Variants in UBE2E1 observed in about 807,000 individuals in gnomAD.
UBE2E1 encodes the protein ubiquitin conjugating enzyme E2 E1.
A neutral mutation model predicts 21.4 loss-of-function variants in UBE2E1; 6 were observed. The observed-to-expected ratio is 0.28, with a 90% confidence interval of 0.15 to 0.55. The LOEUF is 0.55. Among genes scored for constraint, UBE2E1 ranks in the 20% least tolerant of loss-of-function variants. The pLI is 0.93. For synonymous variants in UBE2E1, 87 were observed against 82.7 expected (o/e 1.05, Z -0.28); for missense variants, 142 against 236.5 (o/e 0.60, Z 2.62).
intron 3 of UBE2E1, among the ~76,000 whole-genome samples, chr3:23,886,471 T>G (rs544161010): frequency 6.6e-6 from 1 of 152,310 alleles, no homozygotes; most frequent in Admixed American, 6.5e-5. Context: ...TCTCCCTCCT[T>G]TTTTGCCATG....
intron 3 of UBE2E1, among the ~76,000 whole-genome samples, chr3:23,834,572 A>C (rs1449942789): frequency 1.3e-5 from 2 of 152,068 alleles, no homozygotes; most frequent in African/African-American, 4.8e-5. Context: ...TATTTAAAAA[A>C]TGAAAAAAAG....
Position 23,869,724 on chromosome 3 carries a change from C to CAA in UBE2E1, c.204-17816_204-17815dup, listed in dbSNP as rs5847258. 2.9e-3 allele frequency among the ~76,000 whole-genome samples: 220 copies of CAA among 76,884 alleles called. 4 individuals carry two copies. The highest frequency in any genetic ancestry group is 8.5e-3 in the African/African-American group (189 of 22,118). 50.4% of individuals were successfully genotyped at this position (76,884 alleles called of 152,430 possible). ...CAGGCAATATAGTGAGACCCTGTGT[C>CAA]AAAAAAAAAAAAAAAAAAAAAAAAA... On this transcript the variant is annotated intron_variant, in intron 3 of 5. Transcript: ENST00000306627.
intron 3 of UBE2E1, among the ~76,000 whole-genome samples, chr3:23,846,224 T>C (rs1700199719): frequency 6.6e-6 from 1 of 152,246 alleles, no homozygotes; most frequent in Non-Finnish European, 1.5e-5. Context: ...GTAAATGTAA[T>C]GTTGAAACAT....
intron 3 of UBE2E1, among the ~76,000 whole-genome samples, chr3:23,817,277 C>T (rs1020452840): frequency 3.3e-5 from 5 of 151,998 alleles, no homozygotes; most frequent in African/African-American, 1.2e-4. Context: ...CAAAAATTAG[C>T]CGGGCGTGGT....
At chr3:23,837,070 T>C (rs1251906006) in intron 3 of UBE2E1, among the ~76,000 whole-genome samples, 1 of 152,150 alleles carries the variant, frequency 6.6e-6, no homozygotes. Context: ...GGAACATAAA[T>C]CTCTACTCTG....
rs372552220 is a variant in UBE2E1 at position 23,845,587 on chromosome 3, C to CTGTGTGTGTGTGTGTGTGTGTG, written c.203+34078_203+34079insGTGTGTGTGTGTGTGTGTGTGT. Among the ~76,000 whole-genome samples, 51 of 115,520 alleles carry CTGTGTGTGTGTGTGTGTGTGTG rather than the reference C, an allele frequency of 4.4e-4. No individual in the cohort carries two copies. In the East Asian group the frequency reaches 4.9e-3, roughly 11 times the overall value. 75.8% of individuals were successfully genotyped at this position (115,520 alleles called of 152,430 possible). A position where few individuals can be genotyped will look rare whatever the true frequency, so the allele number is the denominator to read the frequency against. ...TCTCTCTCTCTCTCTCTCTCTCTCT[C>CTGTGTGTGTGTGTGTGTGTGTG]TCTGTGTGTGTGTGTGTGTGTGTGT... On this transcript the variant is annotated intron_variant, in intron 3 of 5. Transcript: ENST00000306627.
At chr3:23,817,766 G>A (rs1056432224) in intron 3 of UBE2E1, among the ~76,000 whole-genome samples, 1 of 152,178 alleles carries the variant, frequency 6.6e-6, no homozygotes, top group African/African-American at 2.4e-5. Flanking sequence ...TTGGGCAGAA[G>A]TGAGTAAAAG....
intron 3 of UBE2E1, among the ~76,000 whole-genome samples, chr3:23,864,269 T>G (rs1358927228): frequency 6.6e-6 from 1 of 152,160 alleles, no homozygotes; most frequent in Non-Finnish European, 1.5e-5. Flanking sequence ...TTTTTCTCCC[T>G]GGAAACTTGA....
chr3:23,833,626 T>A (rs1473380), intron 3 of UBE2E1, among the ~76,000 whole-genome samples: 21 of 152,176 alleles, frequency 1.4e-4, no homozygotes, highest in Admixed American at 6.5e-4. Flanking sequence ...AGATAATTTC[T>A]TATATTTTAC....
intron 3 of UBE2E1, among the ~76,000 whole-genome samples, chr3:23,878,764 A>G (rs1229360931): frequency 6.6e-6 from 1 of 152,224 alleles, no homozygotes; most frequent in East Asian, 1.9e-4. Context: ...GGGACTGTCT[A>G]GTTGCAGGAA....
At chr3:23,872,326 C>T (rs2125321065) in intron 3 of UBE2E1, among the ~76,000 whole-genome samples, 1 of 151,346 alleles carries the variant, frequency 6.6e-6, no homozygotes, top group East Asian at 2.0e-4. Flanking sequence ...GGCAGCAGTA[C>T]AGTCCAGCTT....
chr3:23,879,612 C>T (rs1700990562), intron 3 of UBE2E1: 1 of 227,110 alleles, frequency 4.4e-6, no homozygotes, highest in Non-Finnish European at 8.9e-6. Flanking sequence ...CTTCACTCAG[C>T]GTCTGTCCTA....
Position 23,870,402 on chromosome 3 carries a change from A to G in UBE2E1, c.204-17165A>G, listed in dbSNP as rs533479467. Among the ~76,000 whole-genome samples the G allele has an allele frequency of 1.3e-5, 2 of 152,204 alleles. No individual in the cohort carries two copies. Among genetic ancestry groups the G allele is most frequent in the Admixed American group, 6.5e-5 (1 of 15,288 alleles). ...CTGCCTCTTTGAGCAGTTTCAAACA[A>G]TCTGTGGACGGTGTTGTAAAACTGC... On this transcript the variant is annotated intron_variant, in intron 3 of 5. Transcript: ENST00000306627. This position sits in a 1 kb window ranked among gnomAD's most constrained non-coding sequence, Gnocchi z 4.2.
intron 3 of UBE2E1, among the ~76,000 whole-genome samples, chr3:23,854,269 A>G (rs1466771128): frequency 6.7e-6 from 1 of 148,446 alleles, no homozygotes; most frequent in Non-Finnish European, 1.5e-5. Flanking sequence ...AAAAAGCTTT[A>G]TGCATCTACC....
intron 3 of UBE2E1, among the ~76,000 whole-genome samples, chr3:23,819,165 T>C (rs1699592412): frequency 1.3e-5 from 2 of 152,020 alleles, no homozygotes; most frequent in Non-Finnish European, 2.9e-5. Flanking sequence ...GCGCCTGTAG[T>C]CCCAGCTACT....
rs1700097471 is a variant in UBE2E1, at chr3:23,842,153, G to A, written c.203+30643G>A. Among the ~76,000 whole-genome samples the A allele has an allele frequency of 6.7e-6, 1 of 149,466 alleles. No individual in the cohort carries two copies. Among genetic ancestry groups the A allele is most frequent in the African/African-American group, 2.5e-5 (1 of 40,608 alleles). On this transcript the variant is annotated intron_variant, in intron 3 of 5. Coordinates refer to ENST00000306627, the MANE Select transcript of UBE2E1 (RefSeq NM_003341.5). The surrounding 1 kb of genome is among the most constrained non-coding windows in gnomAD (Gnocchi z 4.6). ...AGTGGAATCTCAGATGTTAGGATCA[G>A]GTAAGAAGAAAGATTGAACTATGTC...
intron 3 of UBE2E1, among the ~76,000 whole-genome samples, chr3:23,860,441 C>T (rs1351119042): frequency 1.3e-5 from 2 of 152,166 alleles, no homozygotes; most frequent in African/African-American, 4.8e-5. Flanking sequence ...GGCCAAACAT[C>T]AACAATGACT....
At chr3:23,854,851 A>G (rs1160648101) in intron 3 of UBE2E1, among the ~76,000 whole-genome samples, 1 of 152,238 alleles carries the variant, frequency 6.6e-6, no homozygotes, top group Non-Finnish European at 1.5e-5. Flanking sequence ...ATATCTTTAA[A>G]TGTCTGCTTT....
In UBE2E1 at chr3:23,816,124, A is replaced by G. The variant is rs940440696; in HGVS notation, c.203+4614A>G. On this transcript the variant is annotated intron_variant, in intron 3 of 5. Coordinates refer to ENST00000306627, the MANE Select transcript of UBE2E1 (RefSeq NM_003341.5). This position sits in a 1 kb window ranked among gnomAD's most constrained non-coding sequence, Gnocchi z 4.8. ...TACCAAAAGACTATATCTGGATTGTAAAACTGTACTATTGTTATTCCTCAG... is the reference window on the plus strand; with the variant it reads ...TACCAAAAGACTATATCTGGATTGTGAAACTGTACTATTGTTATTCCTCAG... Among the ~76,000 whole-genome samples, 3 of 152,238 alleles carry G rather than the reference A, an allele frequency of 2.0e-5. No homozygotes were observed. Among genetic ancestry groups the G allele is most frequent in the African/African-American group, 7.2e-5 (3 of 41,462 alleles).
Sources: allele counts gnomAD v4.1 joint callset (sites outside exome capture counted in the v4.1 genomes callset), GRCh38; gene constraint gnomAD v4.1.1; non-coding constraint Gnocchi (gnomAD v3.1); transcripts MANE v1.5; gene names NCBI Gene and HGNC (gene_info 2026-07-23, HGNC 2026-07-21).